Variants in PGCKA1 observed in about 807,000 individuals in gnomAD.
PGCKA1 encodes PDCD10 and GCKIII kinases-associated protein 1.
chr4:37,459,374 T>C, the PGCKA1 span, among the ~76,000 whole-genome samples: 1 of 152,132 alleles, frequency 6.6e-6, no homozygotes, highest in African/African-American at 2.4e-5. Flanking sequence ...GAAAGCCCTA[T>C]TTAGAATAGT....
chr4:37,578,989 C>T, the PGCKA1 span, among the ~76,000 whole-genome samples: 1 of 152,078 alleles, frequency 6.6e-6, no homozygotes, highest in Non-Finnish European at 1.5e-5. Flanking sequence ...ACCTGGGAGG[C>T]GGAGGTTGCA....
the PGCKA1 span, among the ~76,000 whole-genome samples, chr4:37,560,275 C>G: frequency 2.6e-5 from 4 of 152,172 alleles, no homozygotes; most frequent in Non-Finnish European, 5.9e-5. Context: ...AGGACTCTTT[C>G]TTCTTCCTTA....
At chr4:37,592,901 G>A in the PGCKA1 span, among the ~76,000 whole-genome samples, 1 of 152,172 alleles carries the variant, frequency 6.6e-6, no homozygotes, top group Non-Finnish European at 1.5e-5. Context: ...CTCTAAAACT[G>A]GGAAGTATGT....
At chr4:37,551,008 G>A in the PGCKA1 span, among the ~76,000 whole-genome samples, 2 of 135,636 alleles carry the variant, frequency 1.5e-5, no homozygotes, top group Non-Finnish European at 3.4e-5. Context: ...TGTAATAATA[G>A]TACCATAAAA....
the PGCKA1 span, among the ~76,000 whole-genome samples, chr4:37,477,484 G>T: frequency 6.6e-6 from 1 of 152,076 alleles, no homozygotes; most frequent in Non-Finnish European, 1.5e-5. Flanking sequence ...TGGTAACGGT[G>T]GCACAACTCT....
At chr4:37,548,010 A>G in the PGCKA1 span, among the ~76,000 whole-genome samples, 1 of 134,552 alleles carries the variant, frequency 7.4e-6, no homozygotes, top group South Asian at 2.3e-4. Context: ...TCAAAAAAAA[A>G]AGGAAAAAAA....
chr4:37,467,129 C>G, the PGCKA1 span, among the ~76,000 whole-genome samples: 1 of 152,090 alleles, frequency 6.6e-6, no homozygotes, highest in African/African-American at 2.4e-5. Flanking sequence ...AGATACAGTG[C>G]AGTACTCTGC....
chr4:37,563,043 C>T, the PGCKA1 span, among the ~76,000 whole-genome samples: 1 of 151,770 alleles, frequency 6.6e-6, no homozygotes, highest in Non-Finnish European at 1.5e-5. Flanking sequence ...ACTCTGCACA[C>T]GTAGGTTCAT....
At chr4:37,562,333 A>G in the PGCKA1 span, among the ~76,000 whole-genome samples, 2 of 152,232 alleles carry the variant, frequency 1.3e-5, no homozygotes, top group African/African-American at 4.8e-5. Flanking sequence ...GAATATGTAC[A>G]TTTGATATTT....
At chr4:37,485,010 G>T in the PGCKA1 span, among the ~76,000 whole-genome samples, 1 of 152,170 alleles carries the variant, frequency 6.6e-6, no homozygotes, top group Non-Finnish European at 1.5e-5. Context: ...TCTAAGAAGT[G>T]AATATTTTAT....
chr4:37,531,659 G>A, the PGCKA1 span, among the ~76,000 whole-genome samples: 2 of 151,500 alleles, frequency 1.3e-5, no homozygotes, highest in Admixed American at 6.6e-5. Flanking sequence ...TTGGGAGGCC[G>A]AGGCGGGCGG....
the PGCKA1 span, among the ~76,000 whole-genome samples, chr4:37,558,481 C>T: frequency 6.6e-6 from 1 of 152,110 alleles, no homozygotes; most frequent in Admixed American, 6.6e-5. Flanking sequence ...GTTAGAAATT[C>T]AGTTTCTCCC....
the PGCKA1 span, among the ~76,000 whole-genome samples, chr4:37,562,408 T>C: frequency 6.6e-6 from 1 of 152,232 alleles, no homozygotes; most frequent in East Asian, 1.9e-4. Flanking sequence ...TGAAAAGTTT[T>C]AGGCAGGGGA....
At chr4:37,492,300 C>T in the PGCKA1 span, among the ~76,000 whole-genome samples, 5 of 152,168 alleles carry the variant, frequency 3.3e-5, no homozygotes, top group African/African-American at 7.2e-5. The surrounding 1 kb of genome is among the most constrained non-coding windows in gnomAD (Gnocchi z 4.7). Context: ...TAGTCATTGG[C>T]GTTCTGCTCA....
the PGCKA1 span, among the ~76,000 whole-genome samples, chr4:37,544,745 GGGTT>G: frequency 4.6e-5 from 7 of 151,034 alleles, no homozygotes; most frequent in Non-Finnish European, 1.0e-4. Context: ...TTTGGGTTGG[GGGTT>G]GGTTTTTTGT....
At chr4:37,556,281 T>G in the PGCKA1 span, among the ~76,000 whole-genome samples, 1 of 152,186 alleles carries the variant, frequency 6.6e-6, no homozygotes, top group African/African-American at 2.4e-5. Context: ...TTTTTTGTTT[T>G]TTTGAGACAG....
the PGCKA1 span, among the ~76,000 whole-genome samples, chr4:37,523,854 G>A: frequency 1.3e-5 from 2 of 152,102 alleles, no homozygotes; most frequent in South Asian, 2.1e-4. Flanking sequence ...GTGCATACAA[G>A]CAGAGAGAGC....
the PGCKA1 span, among the ~76,000 whole-genome samples, chr4:37,554,190 T>C: frequency 6.6e-6 from 1 of 152,298 alleles, no homozygotes; most frequent in Non-Finnish European, 1.5e-5. Flanking sequence ...TGCCTTTGCA[T>C]CTGCTTCACC....
chr4:37,576,740 C>T, the PGCKA1 span, among the ~76,000 whole-genome samples: 5 of 152,002 alleles, frequency 3.3e-5, no homozygotes, highest in Admixed American at 2.0e-4. Flanking sequence ...TTTATTATGT[C>T]GAGGTATGTT....
Sources: gnomAD v4.1 joint callset for allele counts (sites outside exome capture counted in the v4.1 genomes callset) on GRCh38, gnomAD v4.1.1 for gene constraint, Gnocchi (gnomAD v3.1) non-coding constraint, MANE v1.5 for transcripts, NCBI Gene and HGNC (gene_info 2026-07-23, HGNC 2026-07-21) for gene names.